The following FHIT variants were observed in gnomAD, a reference collection of about 807,000 sequenced individuals.
FHIT encodes the protein fragile histidine triad diadenosine triphosphatase.
FHIT carries 19 observed loss-of-function variants against 17.9 expected under a neutral mutation model. The observed-to-expected ratio is 1.06, with a 90% CI of 0.74 to 1.56. The LOEUF (loss-of-function observed/expected upper bound fraction) is 1.56. FHIT is among the 40% of genes most tolerant of loss of function. The pLI, the probability that FHIT is intolerant of heterozygous loss-of-function variation, is 0.00. For synonymous variants in FHIT, 81 were observed against 69.7 expected, an observed-to-expected ratio of 1.16 and a Z score of -0.81; for missense variants, 248 against 189.2, an observed-to-expected ratio of 1.31 and a Z score of -1.82.
intron 5 of FHIT, among the ~76,000 whole-genome samples, chr3:60,062,305 G>C (rs1702324848): frequency 6.6e-6 from 1 of 152,168 alleles, no homozygotes. Context: ...ATTCTATGCT[G>C]TGGAGTGAAG....
chr3:60,812,763 G>A (rs1432471518), intron 4 of FHIT, among the ~76,000 whole-genome samples: 1 of 152,068 alleles, frequency 6.6e-6, no homozygotes, highest in Admixed American at 6.6e-5. Context: ...TGAGTCAGTG[G>A]TGTTTCCCCA....
intron 5 of FHIT, among the ~76,000 whole-genome samples, chr3:60,355,415 G>T (rs532560412): frequency 1.3e-5 from 2 of 151,654 alleles, no homozygotes; most frequent in South Asian, 4.2e-4. Context: ...TTGTCATTAT[G>T]AACTTTTTGG....
At chr3:60,123,970 ATATATATATATATAT>A (rs1705382384) in intron 5 of FHIT, among the ~76,000 whole-genome samples, 1 of 18,410 alleles carries the variant, frequency 5.4e-5, no homozygotes, top group African/African-American at 2.2e-4. Flanking sequence ...CACTAAAAAT[ATATATATATATATAT>A]ATATATATAT....
intron 4 of FHIT, among the ~76,000 whole-genome samples, chr3:60,772,558 C>G (rs1700080872): frequency 6.6e-6 from 1 of 151,994 alleles, no homozygotes; most frequent in Non-Finnish European, 1.5e-5. Context: ...ATTCAAGCTG[C>G]CAAGCTAGCT....
At chr3:61,227,580 T>TA (rs925436771) in intron 1 of FHIT, among the ~76,000 whole-genome samples, 20 of 150,786 alleles carry the variant, frequency 1.3e-4, no homozygotes, top group Non-Finnish European at 2.5e-4. Flanking sequence ...ATGTGACTTA[T>TA]AAAAAAAAAG....
At chr3:61,115,338 T>C (rs753603549) in intron 2 of FHIT, among the ~76,000 whole-genome samples, 7 of 152,028 alleles carry the variant, frequency 4.6e-5, no homozygotes, top group Non-Finnish European at 8.8e-5. Context: ...TATCACTGTG[T>C]CTAGAGAGAG....
At chr3:60,368,424 T>C (rs1230650309) in intron 5 of FHIT, among the ~76,000 whole-genome samples, 1 of 151,928 alleles carries the variant, frequency 6.6e-6, no homozygotes, top group Non-Finnish European at 1.5e-5. Flanking sequence ...TTATTGGCAT[T>C]TGAAAAAACA....
chr3:60,969,136 T>A (rs1315520593), intron 3 of FHIT, among the ~76,000 whole-genome samples: 1 of 152,122 alleles, frequency 6.6e-6, no homozygotes, highest in East Asian at 1.9e-4. Context: ...TTTGGAAGAA[T>A]TTGCTGGTAA....
chr3:60,735,124 A>G (rs560956855), intron 4 of FHIT, among the ~76,000 whole-genome samples: 37 of 152,310 alleles, frequency 2.4e-4, no homozygotes, highest in Admixed American at 1.2e-3. Context: ...TGGTTGATTA[A>G]CCCTTCACTT....
chr3:61,209,295 T>C (rs2039370539), intron 1 of FHIT, among the ~76,000 whole-genome samples: 1 of 152,218 alleles, frequency 6.6e-6, no homozygotes, highest in Non-Finnish European at 1.5e-5. Context: ...ATGAAGTGTC[T>C]TGGAGTTGCT....
At chr3:60,255,537 C>G (rs2107599680) in intron 5 of FHIT, among the ~76,000 whole-genome samples, 1 of 152,220 alleles carries the variant, frequency 6.6e-6, no homozygotes, top group East Asian at 1.9e-4. Flanking sequence ...CAACTGCTTT[C>G]AGGAATGGAA....
intron 9 of FHIT, chr3:59,751,022 C>G (rs950385799): frequency 5.9e-6 from 1 of 170,382 alleles, no homozygotes; most frequent in African/African-American, 3.1e-5. Flanking sequence ...TTGGAATTAT[C>G]TAATTCTAAA....
intron 5 of FHIT, among the ~76,000 whole-genome samples, chr3:60,441,730 T>TATATATTTATATATAAA (rs2030834252): frequency 1.1e-5 from 1 of 88,662 alleles, no homozygotes; most frequent in East Asian, 6.1e-4. Context: ...ATATTTGTAT[T>TATATATTTATATATAAA]TATATATATA....
At chr3:60,392,882 T>C (rs2107160298) in intron 5 of FHIT, among the ~76,000 whole-genome samples, 1 of 152,286 alleles carries the variant, frequency 6.6e-6, no homozygotes, top group Admixed American at 6.5e-5. Flanking sequence ...GTTGACTTTC[T>C]GGAGGGCCAA....
chr3:59,819,401 G>A (rs1251435633), intron 8 of FHIT, among the ~76,000 whole-genome samples: 1 of 152,082 alleles, frequency 6.6e-6, no homozygotes, highest in Non-Finnish European at 1.5e-5. Context: ...CAATATGTTT[G>A]TCTGTACTTC....
chr3:60,520,999 A>G lies in FHIT; in HGVS notation c.103+15861T>C, dbSNP rs567179560. Among the ~76,000 whole-genome samples the G allele has an allele frequency of 2.0e-5, 3 of 152,292 alleles. No individual in the cohort carries two copies. The East Asian group carries it at 5.8e-4, about 29-fold the overall frequency. ...GGAAAAAGGCTCATATCAAATGCCT[A>G]TAAATTTTTTGGTTTATTTTAAATC... On this transcript the variant is annotated intron_variant, in intron 5 of 9. Transcript: ENST00000492590.
At chr3:61,007,048 T>C (rs1379953346) in intron 3 of FHIT, among the ~76,000 whole-genome samples, 1 of 152,214 alleles carries the variant, frequency 6.6e-6, no homozygotes, top group Non-Finnish European at 1.5e-5. Flanking sequence ...TCTTATTTTT[T>C]AAAAGCTTAT....
chr3:60,692,105 T>C (rs2041005600), intron 4 of FHIT, among the ~76,000 whole-genome samples: 1 of 152,202 alleles, frequency 6.6e-6, no homozygotes, highest in South Asian at 2.1e-4. Flanking sequence ...TAGCAGGTTT[T>C]CCACCTAGCA....
intron 2 of FHIT, among the ~76,000 whole-genome samples, chr3:61,188,972 T>C (rs2038618826): frequency 1.3e-5 from 2 of 151,820 alleles, no homozygotes; most frequent in South Asian, 4.2e-4. Flanking sequence ...CCACAGTCAA[T>C]ATCATACTGA....
Sources: gnomAD v4.1 joint callset for allele counts (sites outside exome capture counted in the v4.1 genomes callset) on GRCh38, gnomAD v4.1.1 for gene constraint, MANE v1.5 for transcripts, NCBI Gene and HGNC (gene_info 2026-07-23, HGNC 2026-07-21) for gene names.